Variants in DYNC1I1 observed in about 807,000 individuals in gnomAD.
DYNC1I1 encodes cytoplasmic dynein 1 intermediate chain 1.
A neutral mutation model predicts 86.6 loss-of-function variants in DYNC1I1; 43 were observed. That is an observed-to-expected ratio of 0.50 (90% confidence interval 0.39 to 0.64). The LOEUF (loss-of-function observed/expected upper bound fraction) is 0.64, where lower values mean the gene tolerates loss of function less well. DYNC1I1 is among the 30% of genes least tolerant of loss of function. The pLI, the probability that DYNC1I1 is intolerant of heterozygous loss-of-function variation, is 0.00. For missense variants in DYNC1I1, 604 were observed against 788.8 expected, an observed-to-expected ratio of 0.77 and a Z score of 2.81; for synonymous variants, 262 against 283.7, an observed-to-expected ratio of 0.92 and a Z score of 0.77.
At chr7:95,934,926 TTTTG>T (rs1413823641) in intron 6 of DYNC1I1, among the ~76,000 whole-genome samples, 2 of 151,350 alleles carry the variant, frequency 1.3e-5, no homozygotes, top group African/African-American at 4.9e-5. Flanking sequence ...CTTCGTTTTT[TTTTG>T]TTTTTGTTTT....
chr7:96,096,080 A>G (rs1036317467), intron 16 of DYNC1I1, among the ~76,000 whole-genome samples: 1 of 152,142 alleles, frequency 6.6e-6, no homozygotes, highest in African/African-American at 2.4e-5. Flanking sequence ...CCTTGCCTCT[A>G]TATCATTTCC....
rs891247169 is a variant in DYNC1I1 at position 95,924,579 on chromosome 7, T to G, written c.491-52933T>G. 5.3e-5 allele frequency among the ~76,000 whole-genome samples: 8 copies of G among 152,322 alleles called. No homozygotes were observed. The South Asian group carries it at 1.7e-3, about 32-fold the overall frequency. On this transcript the variant is annotated intron_variant, in intron 6 of 16. Transcript: ENST00000447467. Reference sequence around the variant, plus strand: ...GGACAGCAGTGAGCTAGATGGGATATGGCATTTTTCTGCTTCTGATGAGAA... The same window carrying G: ...GGACAGCAGTGAGCTAGATGGGATAGGGCATTTTTCTGCTTCTGATGAGAA...
intron 10 of DYNC1I1, among the ~76,000 whole-genome samples, chr7:95,997,226 T>A (rs1230705730): frequency 1.3e-5 from 2 of 152,134 alleles, no homozygotes; most frequent in African/African-American, 2.4e-5. Flanking sequence ...TTTATTTTTT[T>A]TAAGATTTTC....
At chr7:95,950,757 A>G (rs976963825) in intron 6 of DYNC1I1, among the ~76,000 whole-genome samples, 1 of 152,174 alleles carries the variant, frequency 6.6e-6, no homozygotes, top group Non-Finnish European at 1.5e-5. Context: ...CAGAAAATGG[A>G]AGTGAAAATT....
chr7:95,850,746 C>G (rs1789556117), intron 5 of DYNC1I1, among the ~76,000 whole-genome samples: 1 of 152,196 alleles, frequency 6.6e-6, no homozygotes, highest in Non-Finnish European at 1.5e-5. Flanking sequence ...ATAAACGATT[C>G]ATTCTTACCA....
intron 1 of DYNC1I1, among the ~76,000 whole-genome samples, chr7:95,780,434 A>AT (rs34375387): frequency 0.49 from 63,313 of 129,650 alleles, 15,682 homozygotes; most frequent in South Asian, 0.59. Flanking sequence ...CACCCGGCTA[A>AT]TTTTTTTTTT....
At chr7:96,067,983 T>C (rs1292335631) in intron 14 of DYNC1I1, among the ~76,000 whole-genome samples, 1 of 152,160 alleles carries the variant, frequency 6.6e-6, no homozygotes, top group Non-Finnish European at 1.5e-5. Flanking sequence ...CTAACCTACA[T>C]TTTAGTCTAA....
chr7:95,801,924 C>T (rs1026984866), intron 1 of DYNC1I1, among the ~76,000 whole-genome samples: 1 of 152,176 alleles, frequency 6.6e-6, no homozygotes, highest in Non-Finnish European at 1.5e-5. Flanking sequence ...GACCCTCAGT[C>T]GGACCTGGTG....
In DYNC1I1 at chr7:95,943,535, T is replaced by C. The variant is rs796208013; in HGVS notation, c.491-33977T>C. ...TTGGAAAAAAGTACTTTAAAGTTCA[T>C]ATGGAACCAAAAAAGAGCCCGCATT... is the stretch of plus-strand genomic sequence containing the variant. On this transcript the variant is annotated intron_variant, in intron 6 of 16. Coordinates refer to ENST00000447467, the MANE Select transcript of DYNC1I1 (RefSeq NM_001135556.2). Among the ~76,000 whole-genome samples, 210 of 93,422 alleles carry C rather than the reference T, an allele frequency of 2.2e-3. 9 individuals are homozygous for C. Among genetic ancestry groups the C allele is most frequent in the East Asian group, 0.015 (20 of 1,314 alleles). The allele number at this position is 93,422 out of a possible 152,430, so 61.3% of individuals were successfully genotyped here. A position where few individuals can be genotyped will look rare whatever the true frequency, so the allele number is the denominator to read the frequency against.
At chr7:95,805,702 CT>C (rs1794686582) in intron 2 of DYNC1I1, among the ~76,000 whole-genome samples, 1 of 152,130 alleles carries the variant, frequency 6.6e-6, no homozygotes, top group Non-Finnish European at 1.5e-5. Context: ...TAGCCCACAT[CT>C]TATACAAAAA....
chr7:95,840,225 C>T (rs1789243104), intron 5 of DYNC1I1, among the ~76,000 whole-genome samples: 1 of 151,812 alleles, frequency 6.6e-6, no homozygotes, highest in African/African-American at 2.4e-5. Flanking sequence ...TTGATGTTAC[C>T]CTGTAATTCT....
intron 7 of DYNC1I1, among the ~76,000 whole-genome samples, chr7:95,982,098 GAAC>G (rs1043293929): frequency 1.3e-5 from 2 of 152,014 alleles, no homozygotes; most frequent in Non-Finnish European, 2.9e-5. Flanking sequence ...TCATGATATT[GAAC>G]AACACTTATC....
intron 6 of DYNC1I1, among the ~76,000 whole-genome samples, chr7:95,944,535 A>G (rs1383332375): frequency 8.5e-5 from 13 of 152,218 alleles, no homozygotes; most frequent in South Asian, 4.1e-4. Context: ...TATATACCCA[A>G]AGGACTATAA....
intron 7 of DYNC1I1, among the ~76,000 whole-genome samples, chr7:95,979,170 T>C (rs1369434479): frequency 6.6e-6 from 1 of 152,202 alleles, no homozygotes; most frequent in Non-Finnish European, 1.5e-5. Context: ...GTGTTTAATT[T>C]AGTTTTGGTT....
chr7:95,818,477 T>A (rs774537106), intron 4 of DYNC1I1: 27,543 of 443,838 alleles, frequency 0.062, 212 homozygotes, highest in African/African-American at 0.091. Flanking sequence ...GATTTAATTT[T>A]TTTTTTTTTT....
intron 1 of DYNC1I1, among the ~76,000 whole-genome samples, chr7:95,783,976 T>A (rs1214884033): frequency 6.6e-6 from 1 of 152,212 alleles, no homozygotes; most frequent in Non-Finnish European, 1.5e-5. Context: ...TTTAATTTTT[T>A]CCCCTTGGAT....
intron 6 of DYNC1I1, among the ~76,000 whole-genome samples, chr7:95,889,945 C>A (rs996909590): frequency 6.6e-6 from 1 of 152,200 alleles, no homozygotes; most frequent in Admixed American, 6.5e-5. Context: ...CAAAAACTAA[C>A]AGATGCTGGC....
chr7:95,817,862 C>T (rs1794981642), intron 4 of DYNC1I1, among the ~76,000 whole-genome samples: 1 of 152,148 alleles, frequency 6.6e-6, no homozygotes, highest in Non-Finnish European at 1.5e-5. Flanking sequence ...GGACTTTGCA[C>T]TAGGACTTTT....
intron 10 of DYNC1I1, among the ~76,000 whole-genome samples, chr7:96,012,889 TA>T (rs1216189076): frequency 6.6e-6 from 1 of 152,110 alleles, no homozygotes; most frequent in African/African-American, 2.4e-5. Flanking sequence ...CTTTTTTTAT[TA>T]TTTTTTTAAA....
Sources: allele counts gnomAD v4.1 joint callset (sites outside exome capture counted in the v4.1 genomes callset), GRCh38; gene constraint gnomAD v4.1.1; transcripts MANE v1.5; gene names NCBI Gene and HGNC (gene_info 2026-07-23, HGNC 2026-07-21).